The following UBAP1L variants were observed in gnomAD, a reference collection of about 807,000 sequenced individuals.
The protein encoded by UBAP1L is ubiquitin associated protein 1 like, also known as ubiquitin-associated protein 1-like.
UBAP1L carries 32 observed loss-of-function variants against 32.1 expected under a neutral mutation model. The observed-to-expected ratio is 1.00, with a 90% confidence interval of 0.75 to 1.34. UBAP1L has a LOEUF of 1.34. Among genes scored for constraint, UBAP1L ranks in the 40% most tolerant of loss-of-function variants. The pLI is 0.00. For synonymous variants in UBAP1L, 243 were observed against 250.2 expected (o/e 0.97, Z 0.27); for missense variants, 516 against 540.5 (o/e 0.95, Z 0.45).
intron 2 of UBAP1L, among the ~76,000 whole-genome samples, chr15:65,104,341 A>G (rs535995775): frequency 7.9e-5 from 12 of 151,880 alleles, no homozygotes; most frequent in African/African-American, 1.2e-4. Flanking sequence ...GAAGAGAAGA[A>G]AAGAAAAGAA....
chr15:65,110,360 AAAAAC>A lies in UBAP1L; in HGVS notation c.-173-3977_-173-3973del, dbSNP rs541759447. On this transcript the variant is annotated intron_variant, in intron 1 of 5. Coordinates refer to ENST00000559089, the MANE Select transcript of UBAP1L (RefSeq NM_001163692.2). ...GTGACAGAGTGAGACTCTGTCTCCA[AAAAAC>A]AAAACAAAACAAAACAAACAAAAAA... is the stretch of plus-strand genomic sequence containing the variant. Among the ~76,000 whole-genome samples, 20 of 150,866 alleles carry A rather than the reference AAAAAC, an allele frequency of 1.3e-4. No individual in the cohort carries two copies. In the East Asian group the frequency reaches 2.9e-3, roughly 22 times the overall value.
In UBAP1L at chr15:65,102,205, C is replaced by T. The variant is rs2087248870; in HGVS notation, c.600G>A (p.Pro200=). The T allele has an allele frequency of 6.6e-6, 8 of 1,207,380 alleles. No individual in the cohort carries two copies. The highest frequency in any genetic ancestry group is 3.6e-5 in the East Asian group (1 of 27,860). The allele number at this position is 1,207,380 out of a possible 1,614,324, so 74.8% of individuals were successfully genotyped here. ...CGGCGGGGTGCTGGGGCGCGGGCCC[C>T]GGGGGTGATGCAGACCTGGGGGACT... ...PAQSPRSASP[P]GPAPQHPAAP... The change falls in exon 3 of 6, where the codon CCG becomes CCA. Residue 200 remains proline, a synonymous_variant. Transcript: ENST00000559089. The surrounding 1 kb of genome is among the most constrained non-coding windows in gnomAD (Gnocchi z 5.0).
intron 1 of UBAP1L, among the ~76,000 whole-genome samples, chr15:65,107,341 A>T (rs905790040): frequency 2.0e-5 from 3 of 151,794 alleles, no homozygotes; most frequent in Non-Finnish European, 4.4e-5. Flanking sequence ...CTCAAAAAAA[A>T]AAAGAAGAAA....
rs993531818 is a variant in UBAP1L at position 65,103,520 on chromosome 15, C to T, written c.121-836G>A. Among the ~76,000 whole-genome samples the T allele has an allele frequency of 2.6e-5, 4 of 152,188 alleles. No homozygotes were observed. In the South Asian group the frequency reaches 8.3e-4, roughly 31 times the overall value. ...AAAGTTTTAAAGGCAATTTGTTCTA[C>T]CATGGCCAGTTAAGGAAGAAAGAGG... On this transcript the variant is annotated intron_variant, in intron 2 of 5. Coordinates refer to ENST00000559089, the MANE Select transcript of UBAP1L (RefSeq NM_001163692.2).
At position 65,106,312 on chromosome 15, in the gene UBAP1L, A is replaced by T. The variant is rs958248715; in HGVS notation, c.-97T>A. The stretch of plus-strand genomic sequence containing the variant: ...CCTGAGGACCAGGCTCAGGCCTCAA[A>T]TGGCCTCACTGCTCTCCTGTGTGGT... On this transcript the variant is annotated 5_prime_UTR_variant, in exon 2 of 6. Transcript: ENST00000559089. The T allele has an allele frequency of 1.9e-5, 25 of 1,316,952 alleles. No individual in the cohort carries two copies. The South Asian group carries it at 3.5e-4, about 19-fold the overall frequency. The allele number at this position is 1,316,952 out of a possible 1,614,324, so 81.6% of individuals were successfully genotyped here.
rs542492010 is a variant in UBAP1L at position 65,102,877 on chromosome 15, A to G, written c.121-193T>C. Among the ~76,000 whole-genome samples, 19 of 152,340 alleles carry G rather than the reference A, an allele frequency of 1.2e-4. No individual in the cohort carries two copies. The highest frequency in any genetic ancestry group is 4.1e-4 in the South Asian group (2 of 4,824). Reference sequence around the variant, plus strand: ...CTAACACTGTGGTCGATGGATACCAATAACAGTTTAATGGCAAACTGGCAT... The same window carrying G: ...CTAACACTGTGGTCGATGGATACCAGTAACAGTTTAATGGCAAACTGGCAT... On this transcript the variant is annotated intron_variant, in intron 2 of 5. Transcript: ENST00000559089. This position sits in a 1 kb window ranked among gnomAD's most constrained non-coding sequence, Gnocchi z 5.0.
At chr15:65,097,385 G>A (rs1566965418) in intron 4 of UBAP1L, 2 of 152,306 alleles carry the variant, frequency 1.3e-5, no homozygotes, top group Non-Finnish European at 1.5e-5. Flanking sequence ...ATCATCCGAA[G>A]GTAGGCGTGA....
At chr15:65,114,176 G>A (rs1461800228) in intron 1 of UBAP1L, among the ~76,000 whole-genome samples, 3 of 149,394 alleles carry the variant, frequency 2.0e-5, no homozygotes, top group East Asian at 2.0e-4. Context: ...GAGCCACCGC[G>A]CCCAGCCTTT....
chr15:65,110,450 G>A (rs943007326), intron 1 of UBAP1L, among the ~76,000 whole-genome samples: 1 of 151,452 alleles, frequency 6.6e-6, no homozygotes, highest in African/African-American at 2.4e-5. Context: ...GGCCGAGGTG[G>A]GTGGATCACC....
Position 65,094,530 on chromosome 15 carries a change from T to C in UBAP1L, c.956A>G (p.Tyr319Cys). 6.4e-7 allele frequency: 1 copy of C among 1,551,486 alleles called. No homozygotes were observed. The highest frequency in any genetic ancestry group is 8.7e-7 in the Non-Finnish European group (1 of 1,146,938). Residue 319 changes from tyrosine (Y) to cysteine (C), a missense_variant, in exon 5 of 6, where the codon TAT becomes TGT. Transcript: ENST00000559089. This position sits in a 1 kb window ranked among gnomAD's most constrained non-coding sequence, Gnocchi z 4.2. The part of the protein sequence containing the change: ...SACDRLLRQG[Y>C]EEGLVDEAME... The stretch of plus-strand genomic sequence containing the variant: ...GGCCTCATCCACCAGGCCTTCCTCA[T>C]ATCCCTGACGTAACAGGCGGTCACA...
rs536423320 is a variant in UBAP1L, at chr15:65,109,388, C to CA, written c.-173-3001dup. ...GTCCCAGCTACTCAGGAGGCTGAGG[C>CA]AGGAGAATGGCATGAACCCAGGAGG... On this transcript the variant is annotated intron_variant, in intron 1 of 5. Transcript: ENST00000559089. Among the ~76,000 whole-genome samples the CA allele has an allele frequency of 2.8e-5, 4 of 140,920 alleles. No individual in the cohort carries two copies. In the South Asian group the frequency reaches 9.1e-4, roughly 32 times the overall value. The allele number at this position is 140,920 out of a possible 152,430, so 92.4% of individuals were successfully genotyped here.
At chr15:65,113,554 C>T (rs2087383239) in intron 1 of UBAP1L, among the ~76,000 whole-genome samples, 1 of 152,158 alleles carries the variant, frequency 6.6e-6, no homozygotes, top group Non-Finnish European at 1.5e-5. Context: ...TCGAGACCTG[C>T]CTGGCCAACA....
At position 65,093,296 on chromosome 15, in the gene UBAP1L, C is replaced by G. The variant is rs2087138907; in HGVS notation, c.1012-65G>C. ...TGGGCCTGGCCTCAGCCATGGGGAG[C>G]CCCAGCTCCAGTGCCTACTGCACCT... is the stretch of plus-strand genomic sequence containing the variant. On this transcript the variant is annotated intron_variant, in intron 5 of 5. Transcript: ENST00000559089. The G allele has an allele frequency of 3.4e-6, 5 of 1,459,146 alleles. No homozygotes were observed. The South Asian group carries it at 6.9e-5, about 20-fold the overall frequency. 90.4% of individuals were successfully genotyped at this position (1,459,146 alleles called of 1,614,324 possible). A position where few individuals can be genotyped will look rare whatever the true frequency, so the allele number is the denominator to read the frequency against.
At chr15:65,112,297 G>A (rs1319981732) in intron 1 of UBAP1L, among the ~76,000 whole-genome samples, 2 of 152,176 alleles carry the variant, frequency 1.3e-5, no homozygotes, top group African/African-American at 4.8e-5. Context: ...GGGTAGACTG[G>A]GGTAGAGCTG....
chr15:65,109,327 C>CA (rs1421731431), intron 1 of UBAP1L, among the ~76,000 whole-genome samples: 3 of 150,606 alleles, frequency 2.0e-5, no homozygotes, highest in African/African-American at 7.3e-5. Flanking sequence ...ACTAAAAATA[C>CA]AAAAAATTAG....
chr15:65,098,892 C>T (rs1227270536), intron 4 of UBAP1L: 1 of 152,204 alleles, frequency 6.6e-6, no homozygotes, highest in Non-Finnish European at 1.5e-5. Flanking sequence ...CAGAAACACC[C>T]CTATAACACT....
rs556286570 is a variant in UBAP1L, at chr15:65,099,955, T to C, written c.700-241A>G. The C allele has an allele frequency of 3.7e-5, 15 of 401,026 alleles. No homozygotes were observed. In the South Asian group the frequency reaches 6.5e-4, roughly 17 times the overall value. 24.8% of individuals were successfully genotyped at this position (401,026 alleles called of 1,614,324 possible). Reference sequence around the variant, plus strand: ...CTATCAGGAGACTTAAATAAGACAATGTGAGGGACTGGGCGCGGTGGCTCA... The same window carrying C: ...CTATCAGGAGACTTAAATAAGACAACGTGAGGGACTGGGCGCGGTGGCTCA... On this transcript the variant is annotated intron_variant, in intron 3 of 5. Transcript: ENST00000559089.
intron 1 of UBAP1L, among the ~76,000 whole-genome samples, chr15:65,108,290 A>C (rs2087339251): frequency 6.6e-6 from 1 of 152,136 alleles, no homozygotes; most frequent in Non-Finnish European, 1.5e-5. Context: ...GGGAAAAAAA[A>C]AAACAAAAAC....
intron 2 of UBAP1L, 132 bp downstream of exon 2, chr15:65,105,964 G>A: frequency 3.8e-6 from 5 of 1,306,340 alleles, no homozygotes; most frequent in South Asian, 2.7e-5. Context: ...CTAATTTTTT[G>A]TATTGTTAGT....
Sources: allele counts gnomAD v4.1 joint callset (sites outside exome capture counted in the v4.1 genomes callset), GRCh38; gene constraint gnomAD v4.1.1; non-coding constraint Gnocchi (gnomAD v3.1); transcripts MANE v1.5; gene names NCBI Gene and HGNC (gene_info 2026-07-23, HGNC 2026-07-21).